The following ANO3 variants were observed in gnomAD, a reference collection of about 807,000 sequenced individuals.
ANO3 encodes the protein anoctamin 3, also known as anoctamin-3.
In ANO3, 99 loss-of-function variants were observed where a neutral mutation model predicts 144.8. The observed-to-expected ratio is 0.68, with a 90% CI of 0.58 to 0.81. The LOEUF (loss-of-function observed/expected upper bound fraction) is 0.81. Ranked by LOEUF, ANO3 falls within the 30% of genes least tolerant of loss-of-function variation. The pLI is 0.00. For missense variants in ANO3, 905 were observed against 1,202.2 expected, an observed-to-expected ratio of 0.75 and a Z score of 3.66; for synonymous variants, 414 against 392.6, an observed-to-expected ratio of 1.05 and a Z score of -0.64.
intron 1 of ANO3, among the ~76,000 whole-genome samples, chr11:26,418,703 A>AGCGC: frequency 6.6e-6 from 1 of 151,610 alleles, no homozygotes; most frequent in East Asian, 1.9e-4. Context: ...CAAACAAACA[A>AGCGC]GCGCGCGCGC....
intron 1 of ANO3, among the ~76,000 whole-genome samples, chr11:26,380,353 A>C (rs1348066900): frequency 1.3e-5 from 2 of 152,232 alleles, no homozygotes; most frequent in Non-Finnish European, 2.9e-5. Context: ...TTAAGAAAGC[A>C]TGAATCAGTG....
intron 1 of ANO3, among the ~76,000 whole-genome samples, chr11:26,390,321 G>A (rs7940514): frequency 6.6e-6 from 1 of 151,596 alleles, no homozygotes; most frequent in African/African-American, 2.4e-5. Flanking sequence ...CCTTTTAGAG[G>A]GAAAATTGTT....
intron 14 of ANO3, among the ~76,000 whole-genome samples, chr11:26,575,877 C>T (rs1258485931): frequency 6.6e-6 from 1 of 152,082 alleles, no homozygotes; most frequent in Non-Finnish European, 1.5e-5. Flanking sequence ...TTTTTATCTT[C>T]CCTTCCAGTT....
chr11:26,431,656 T>C (rs1175355783), intron 1 of ANO3, among the ~76,000 whole-genome samples: 3 of 152,224 alleles, frequency 2.0e-5, no homozygotes, highest in Non-Finnish European at 4.4e-5. Flanking sequence ...GATGTTTGGT[T>C]TTCTGTTCCT....
chr11:26,340,748 A>G (rs1251760901), intron 1 of ANO3, among the ~76,000 whole-genome samples: 1 of 152,238 alleles, frequency 6.6e-6, no homozygotes, highest in African/African-American at 2.4e-5. Flanking sequence ...TTAGTTGTAT[A>G]CATGCATTTC....
chr11:26,650,482 TCATTTGCCCTTTTCATATATTG>T, intron 24 of ANO3, among the ~76,000 whole-genome samples: 1 of 152,088 alleles, frequency 6.6e-6, no homozygotes, highest in Non-Finnish European at 1.5e-5. Flanking sequence ...AATTAAGATA[TCATTTGCCCTTTTCATATATTG>T]ACATTTTCCC....
intron 14 of ANO3, among the ~76,000 whole-genome samples, chr11:26,589,503 T>G (rs1479442849): frequency 2.0e-5 from 3 of 151,940 alleles, no homozygotes; most frequent in Non-Finnish European, 4.4e-5. Flanking sequence ...TTTTTGCATA[T>G]TCACAGAGCC....
chr11:26,413,045 G>A (rs1332812512), intron 1 of ANO3, among the ~76,000 whole-genome samples: 2 of 151,896 alleles, frequency 1.3e-5, no homozygotes, highest in African/African-American at 4.8e-5. Flanking sequence ...AGAGACTCAT[G>A]AGAGCTGGAA....
intron 4 of ANO3, among the ~76,000 whole-genome samples, chr11:26,500,634 T>A (rs1263514298): frequency 3.3e-5 from 5 of 152,306 alleles, no homozygotes; most frequent in Non-Finnish European, 5.9e-5. Context: ...TTCATCCATT[T>A]TTAATTGGCT....
intron 14 of ANO3, among the ~76,000 whole-genome samples, chr11:26,579,737 GA>G (rs1269987566): frequency 2.0e-5 from 3 of 151,974 alleles, no homozygotes; most frequent in Non-Finnish European, 2.9e-5. Context: ...TTTTTTTCAT[GA>G]AAAAGATCCA....
intron 12 of ANO3, 138 bp downstream of exon 12, chr11:26,547,688 C>CTTTTTTT: frequency 1.2e-6 from 1 of 831,166 alleles, no homozygotes; most frequent in Non-Finnish European, 1.8e-6. Flanking sequence ...TGTTTTTTGG[C>CTTTTTTT]TTTTGTTTTT....
chr11:26,609,607 C>T (rs939430380), intron 17 of ANO3, among the ~76,000 whole-genome samples: 9 of 152,122 alleles, frequency 5.9e-5, no homozygotes, highest in South Asian at 2.1e-4. Flanking sequence ...TCTTTGGCCC[C>T]GCCCCCCACC....
At chr11:26,340,126 T>TA (rs1299731028) in intron 1 of ANO3, among the ~76,000 whole-genome samples, 1 of 152,224 alleles carries the variant, frequency 6.6e-6, no homozygotes, top group East Asian at 1.9e-4. Context: ...ATCGTACTCT[T>TA]AGACAGTTAC....
chr11:26,572,707 A>G (rs1850875553), intron 14 of ANO3, among the ~76,000 whole-genome samples: 1 of 152,106 alleles, frequency 6.6e-6, no homozygotes, highest in Non-Finnish European at 1.5e-5. Context: ...CTTAACACAA[A>G]GTGAATTAGT....
chr11:26,587,639 CCCACT>C (rs1851323635), intron 14 of ANO3, among the ~76,000 whole-genome samples: 1 of 152,120 alleles, frequency 6.6e-6, no homozygotes. Context: ...CAAGATAGGT[CCCACT>C]ACTGCTAAGC....
In ANO3 at chr11:26,565,387, C is replaced by T. The variant is rs372130992; in HGVS notation, c.1447+5608C>T. Reference sequence around the variant, plus strand: ...ATGGAACTGTTATCAGGAGTTTTCACGGTGTCATTGACCAAAGACCAAGTG... The same window carrying T: ...ATGGAACTGTTATCAGGAGTTTTCATGGTGTCATTGACCAAAGACCAAGTG... On this transcript the variant is annotated intron_variant, in intron 14 of 26. Transcript: ENST00000256737. The T allele has an allele frequency of 2.0e-5, 32 of 1,613,008 alleles. No homozygotes were observed. In the East Asian group the frequency reaches 2.7e-4, roughly 13 times the overall value.
chr11:26,438,320 C>T (rs12296024), intron 1 of ANO3, among the ~76,000 whole-genome samples: 1 of 151,980 alleles, frequency 6.6e-6, no homozygotes, highest in African/African-American at 2.4e-5. Flanking sequence ...TTAAGAACTT[C>T]TGCTTTTTAG....
chr11:26,198,798 C>G (rs1828115031), intron 1 of ANO3, among the ~76,000 whole-genome samples: 1 of 152,184 alleles, frequency 6.6e-6, no homozygotes, highest in Non-Finnish European at 1.5e-5. Flanking sequence ...ATTCTGCCTT[C>G]CAATGCAGAC....
At chr11:26,555,204 C>T (rs991345022) in intron 13 of ANO3, among the ~76,000 whole-genome samples, 2 of 152,116 alleles carry the variant, frequency 1.3e-5, no homozygotes, top group African/African-American at 4.8e-5. Flanking sequence ...ACATGGTTAT[C>T]TTGTTTGGAG....
Sources: allele counts gnomAD v4.1 joint callset (sites outside exome capture counted in the v4.1 genomes callset), GRCh38; gene constraint gnomAD v4.1.1; transcripts MANE v1.5; gene names NCBI Gene and HGNC (gene_info 2026-07-23, HGNC 2026-07-21).